Variants in PPARGC1A observed in about 807,000 individuals in gnomAD.
PPARGC1A encodes the protein peroxisome proliferator-activated receptor gamma coactivator 1-alpha.
In PPARGC1A, 25 loss-of-function variants were observed where a neutral mutation model predicts 88.7. That is an observed-to-expected ratio of 0.28 (90% CI 0.21 to 0.39). PPARGC1A has a LOEUF of 0.39. PPARGC1A is among the 10% of genes least tolerant of loss of function. PPARGC1A has a pLI of 1.00. For missense variants in PPARGC1A, 880 were observed against 968.7 expected (o/e 0.91, Z 1.22); for synonymous variants, 363 against 355.6 (o/e 1.02, Z -0.24).
At chr4:24,346,148 T>C in the PPARGC1A span, among the ~76,000 whole-genome samples, 1 of 152,194 alleles carries the variant, frequency 6.6e-6, no homozygotes, top group South Asian at 2.1e-4. Context: ...TCATGGTGGA[T>C]TATCTTTTTG....
the PPARGC1A span, among the ~76,000 whole-genome samples, chr4:24,174,602 G>A: frequency 6.6e-6 from 1 of 152,170 alleles, no homozygotes; most frequent in Non-Finnish European, 1.5e-5. Flanking sequence ...CATGCTATGT[G>A]GTCATGGTTG....
chr4:24,430,251 A>ATTTTTT, the PPARGC1A span, among the ~76,000 whole-genome samples: 7 of 131,732 alleles, frequency 5.3e-5, no homozygotes, highest in East Asian at 2.3e-4. Flanking sequence ...GATATTTTGT[A>ATTTTTT]TTTCTTTTTT....
chr4:24,287,691 C>A, the PPARGC1A span, among the ~76,000 whole-genome samples: 1 of 150,328 alleles, frequency 6.7e-6, no homozygotes, highest in Non-Finnish European at 1.5e-5. Flanking sequence ...GTGCACTTTC[C>A]ATGGATGGAG....
chr4:23,812,591 C>A (rs1721120432), intron 10 of PPARGC1A, among the ~76,000 whole-genome samples, 156 bp downstream of exon 10: 1 of 152,092 alleles, frequency 6.6e-6, no homozygotes. Context: ...TCAATGGGGA[C>A]CGAAGACTTA....
At chr4:23,927,661 G>A in the PPARGC1A span, among the ~76,000 whole-genome samples, 1 of 152,230 alleles carries the variant, frequency 6.6e-6, no homozygotes, top group South Asian at 2.1e-4. Context: ...GCCCCAGGCA[G>A]CCTGCTGTCT....
chr4:24,074,934 C>T, the PPARGC1A span, among the ~76,000 whole-genome samples: 1 of 152,168 alleles, frequency 6.6e-6, no homozygotes, highest in Non-Finnish European at 1.5e-5. Flanking sequence ...AAAGGCAGAT[C>T]CTCTTTGTGC....
chr4:24,121,435 C>A, the PPARGC1A span, among the ~76,000 whole-genome samples: 1 of 152,166 alleles, frequency 6.6e-6, no homozygotes, highest in South Asian at 2.1e-4. Flanking sequence ...AGTTTCCAGA[C>A]ACAACTGCTA....
the PPARGC1A span, among the ~76,000 whole-genome samples, chr4:24,333,693 G>A: frequency 6.6e-6 from 1 of 152,014 alleles, no homozygotes; most frequent in Admixed American, 6.5e-5. Context: ...CAGCACTTTG[G>A]GAGGCCAAGG....
chr4:24,274,652 T>A, the PPARGC1A span, among the ~76,000 whole-genome samples: 1 of 152,184 alleles, frequency 6.6e-6, no homozygotes, highest in Admixed American at 6.5e-5. Context: ...AACTGATGAG[T>A]TATACAAAAA....
At chr4:24,019,602 A>G in the PPARGC1A span, among the ~76,000 whole-genome samples, 1 of 152,216 alleles carries the variant, frequency 6.6e-6, no homozygotes, top group South Asian at 2.1e-4. Flanking sequence ...CTAAGGGTTG[A>G]GTTTTCCCAG....
At chr4:24,081,365 G>A in the PPARGC1A span, among the ~76,000 whole-genome samples, 12 of 151,942 alleles carry the variant, frequency 7.9e-5, no homozygotes, top group Admixed American at 3.3e-4. Flanking sequence ...TGAGGGAGAC[G>A]GTGTGCTTCC....
At chr4:24,427,062 T>C in the PPARGC1A span, among the ~76,000 whole-genome samples, 2 of 152,164 alleles carry the variant, frequency 1.3e-5, no homozygotes, top group East Asian at 3.8e-4. Flanking sequence ...GTAAACCAGA[T>C]AACCTGTTGG....
At chr4:24,177,948 T>C in the PPARGC1A span, among the ~76,000 whole-genome samples, 4 of 152,238 alleles carry the variant, frequency 2.6e-5, no homozygotes, top group Admixed American at 2.0e-4. Flanking sequence ...TTTTGAAGGT[T>C]ACCTTGTAAG....
the PPARGC1A span, among the ~76,000 whole-genome samples, chr4:23,960,337 A>T: frequency 1.3e-5 from 2 of 152,100 alleles, no homozygotes; most frequent in African/African-American, 2.4e-5. Context: ...GATGTTGCTG[A>T]ACATTCTACA....
At chr4:24,082,672 C>T in the PPARGC1A span, among the ~76,000 whole-genome samples, 184 of 152,176 alleles carry the variant, frequency 1.2e-3, no homozygotes, top group Non-Finnish European at 1.7e-3. Context: ...TCTTTAGACA[C>T]GCAAGAGCTG....
At chr4:24,197,142 T>C in the PPARGC1A span, among the ~76,000 whole-genome samples, 1 of 152,236 alleles carries the variant, frequency 6.6e-6, no homozygotes, top group Non-Finnish European at 1.5e-5. Flanking sequence ...GCATTTATGA[T>C]GCATTACTAA....
chr4:24,116,295 A>G, the PPARGC1A span, among the ~76,000 whole-genome samples: 13 of 152,330 alleles, frequency 8.5e-5, no homozygotes, highest in East Asian at 1.4e-3. Flanking sequence ...TTGGAATTAC[A>G]TAGTTAACCC....
At chr4:24,164,812 A>C in the PPARGC1A span, among the ~76,000 whole-genome samples, 1 of 152,168 alleles carries the variant, frequency 6.6e-6, no homozygotes, top group African/African-American at 2.4e-5. Context: ...CCTTCTGGCT[A>C]CACACATTGG....
At chr4:24,293,182 T>C in the PPARGC1A span, among the ~76,000 whole-genome samples, 4 of 1,026 alleles carry the variant, frequency 3.9e-3, no homozygotes, top group Admixed American at 0.017. Flanking sequence ...TCAGCCCCAC[T>C]CCTGCCTGTG....
Sources: gnomAD v4.1 joint callset for allele counts (sites outside exome capture counted in the v4.1 genomes callset) on GRCh38, gnomAD v4.1.1 for gene constraint, MANE v1.5 for transcripts, NCBI Gene and HGNC (gene_info 2026-07-23, HGNC 2026-07-21) for gene names.